Variants in NR2F1-AS1 observed in about 807,000 individuals in gnomAD.
The protein encoded by NR2F1-AS1 is NR2F1 regulatory antisense RNA 1.
At chr5:93,474,211 A>C (rs1395813571) in intron 4 of NR2F1-AS1, among the ~76,000 whole-genome samples, 1 of 152,180 alleles carries the variant, frequency 6.6e-6, no homozygotes, top group Non-Finnish European at 1.5e-5. Context: ...AAGATTTGTT[A>C]AGATGACCAA....
intron 4 of NR2F1-AS1, among the ~76,000 whole-genome samples, chr5:93,505,366 T>C (rs770282817): frequency 6.6e-6 from 1 of 152,178 alleles, no homozygotes; most frequent in East Asian, 1.9e-4. Flanking sequence ...GTCAGTGGTC[T>C]ACCATTCTGG....
chr5:93,548,063 T>C (rs895311003), intron 4 of NR2F1-AS1, among the ~76,000 whole-genome samples: 4 of 152,164 alleles, frequency 2.6e-5, no homozygotes, highest in Non-Finnish European at 5.9e-5. Flanking sequence ...CTTTACACAC[T>C]TACTTAGAAA....
intron 4 of NR2F1-AS1, among the ~76,000 whole-genome samples, chr5:93,528,457 T>C (rs1007940774): frequency 3.9e-5 from 6 of 152,192 alleles, no homozygotes; most frequent in South Asian, 2.1e-4. Flanking sequence ...TGGTAGAGTA[T>C]AAATTAGTTC....
At chr5:93,501,532 T>G (rs1751079961) in intron 4 of NR2F1-AS1, among the ~76,000 whole-genome samples, 1 of 151,954 alleles carries the variant, frequency 6.6e-6, no homozygotes. Flanking sequence ...TTTTGTATTT[T>G]TAGTAGAGAC....
intron 4 of NR2F1-AS1, among the ~76,000 whole-genome samples, chr5:93,464,242 T>C (rs994789154): frequency 6.6e-6 from 1 of 152,190 alleles, no homozygotes; most frequent in Non-Finnish European, 1.5e-5. Context: ...GGAGTTTCAC[T>C]GCACAAGCTC....
chr5:93,519,589 A>G (rs527671623), intron 4 of NR2F1-AS1, among the ~76,000 whole-genome samples: 128 of 152,066 alleles, frequency 8.4e-4, no homozygotes, highest in Admixed American at 1.9e-3. Context: ...GAAAGTATAT[A>G]TAAGTGTATA....
chr5:93,517,443 T>A (rs1263289768), intron 4 of NR2F1-AS1, among the ~76,000 whole-genome samples: 1 of 152,076 alleles, frequency 6.6e-6, no homozygotes, highest in African/African-American at 2.4e-5. Flanking sequence ...TTTTTTAATT[T>A]ACTTCATTAT....
chr5:93,410,825 T>A (rs919154537), intron 4 of NR2F1-AS1: 1 of 152,116 alleles, frequency 6.6e-6, no homozygotes, highest in Non-Finnish European at 1.5e-5. Flanking sequence ...AAAAACAGAA[T>A]TTAATGCAAA....
intron 1 of NR2F1-AS1, among the ~76,000 whole-genome samples, chr5:93,563,738 C>T (rs1262416687): frequency 6.6e-6 from 1 of 151,386 alleles, no homozygotes; most frequent in Non-Finnish European, 1.5e-5. Context: ...CTATTAGAAG[C>T]TGACGAACAT....
chr5:93,562,200 G>T (rs866214682), intron 2 of NR2F1-AS1, among the ~76,000 whole-genome samples: 1,874 of 122,508 alleles, frequency 0.015, 49 homozygotes, highest in African/African-American at 0.058. Context: ...AAAAAAAAAA[G>T]AAAAGAAAAG....
upstream of NR2F1-AS1, chr5:93,583,230 T>C (rs1015943998): frequency 6.6e-6 from 1 of 151,904 alleles, no homozygotes; most frequent in Non-Finnish European, 1.5e-5. Context: ...TCGGAAACAT[T>C]GCTCTGCGAG....
intron 4 of NR2F1-AS1, among the ~76,000 whole-genome samples, chr5:93,445,752 GA>G (rs1466788726): frequency 6.6e-6 from 1 of 152,098 alleles, no homozygotes; most frequent in Non-Finnish European, 1.5e-5. Flanking sequence ...AACAAAAAAA[GA>G]GAATTTTAGA....
At chr5:93,544,918 CAAAAAAAAAAAA>C (rs11322318) in intron 4 of NR2F1-AS1, 6 of 61,792 alleles carry the variant, frequency 9.7e-5, no homozygotes, top group Admixed American at 5.0e-4. Context: ...GATTCCATCT[CAAAAAAAAAAAA>C]AAAAAAAAAG....
intron 4 of NR2F1-AS1, among the ~76,000 whole-genome samples, chr5:93,426,905 G>A (rs554960778): frequency 6.6e-6 from 1 of 152,266 alleles, no homozygotes; most frequent in East Asian, 1.9e-4. Context: ...TCCCGCCAAG[G>A]CATATAATGA....
chr5:93,412,435 C>T (rs116202919), intron 4 of NR2F1-AS1, among the ~76,000 whole-genome samples: 1 of 152,314 alleles, frequency 6.6e-6, no homozygotes, highest in Non-Finnish European at 1.5e-5. Flanking sequence ...ACCTTCAACC[C>T]ATCCTCATCA....
chr5:93,474,216 G>A (rs985399644), intron 4 of NR2F1-AS1, among the ~76,000 whole-genome samples: 12 of 151,980 alleles, frequency 7.9e-5, no homozygotes, highest in African/African-American at 2.9e-4. Context: ...TTGTTAAGAT[G>A]ACCAAATTTT....
At chr5:93,535,190 C>T (rs1168542111) in intron 4 of NR2F1-AS1, among the ~76,000 whole-genome samples, 1 of 151,416 alleles carries the variant, frequency 6.6e-6, no homozygotes, top group East Asian at 1.9e-4. Context: ...CGTACCTTTG[C>T]TCATCTGTGA....
At chr5:93,493,471 C>T (rs1449515053) in intron 4 of NR2F1-AS1, among the ~76,000 whole-genome samples, 2 of 151,842 alleles carry the variant, frequency 1.3e-5, no homozygotes, top group East Asian at 3.9e-4. Context: ...GTTCAGATAA[C>T]AATATTACCC....
intron 1 of NR2F1-AS1, among the ~76,000 whole-genome samples, chr5:93,578,482 G>A (rs1384667293): frequency 1.3e-5 from 2 of 151,996 alleles, no homozygotes; most frequent in African/African-American, 2.4e-5. Context: ...GGAGGCTCCC[G>A]GGAGCCCAGG....
Sources: gnomAD v4.1 joint callset for allele counts (sites outside exome capture counted in the v4.1 genomes callset) on GRCh38, gnomAD v4.1.1 for gene constraint, MANE v1.5 for transcripts, NCBI Gene and HGNC (gene_info 2026-07-23, HGNC 2026-07-21) for gene names.